Variants in CADM2 observed in about 807,000 individuals in gnomAD.
The protein encoded by CADM2 is cell adhesion molecule 2, also known as immunoglobulin superfamily member 4D.
In CADM2, 12 loss-of-function variants were observed where a neutral mutation model predicts 49.8. The ratio of observed to expected loss-of-function variants is 0.24; its 90% CI spans 0.15 to 0.39. CADM2 has a LOEUF of 0.39. CADM2 is among the 10% of genes least tolerant of loss of function. CADM2 has a pLI of 1.00. For missense variants in CADM2, 378 were observed against 492.3 expected, an observed-to-expected ratio of 0.77 and a Z score of 2.20; for synonymous variants, 214 against 175.4, an observed-to-expected ratio of 1.22 and a Z score of -1.74.
chr3:85,935,699 T>A, intron 6 of CADM2, 68 bp from the exon 7 acceptor site: 1 of 730,902 alleles, frequency 1.4e-6, no homozygotes, highest in East Asian at 2.6e-5. Context: ...CACAGCATGA[T>A]GCACAGTTAT....
At chr3:86,042,912 A>G (rs1251775841) in intron 8 of CADM2, among the ~76,000 whole-genome samples, 3 of 152,134 alleles carry the variant, frequency 2.0e-5, no homozygotes, top group African/African-American at 7.2e-5. Context: ...CTGGGATGCA[A>G]GGCTGGTTCA....
chr3:85,928,315 T>C (rs1366125565), intron 6 of CADM2, among the ~76,000 whole-genome samples: 1 of 152,056 alleles, frequency 6.6e-6, no homozygotes, highest in Non-Finnish European at 1.5e-5. Context: ...CATGCCATCA[T>C]GCCCAGCTAA....
intron 1 of CADM2, among the ~76,000 whole-genome samples, chr3:85,268,755 A>G (rs1295767137): frequency 1.3e-5 from 2 of 151,498 alleles, no homozygotes; most frequent in East Asian, 3.9e-4. Flanking sequence ...TATCTCTACC[A>G]TGTTTCCAGA....
At chr3:85,585,397 CAT>C (rs1292761587) in intron 1 of CADM2, among the ~76,000 whole-genome samples, 1 of 151,440 alleles carries the variant, frequency 6.6e-6, no homozygotes, top group African/African-American at 2.4e-5. Context: ...AAAATATATA[CAT>C]ATATATGTAT....
chr3:86,011,459 G>A (rs1731498797), intron 8 of CADM2, among the ~76,000 whole-genome samples: 1 of 152,018 alleles, frequency 6.6e-6, no homozygotes. Context: ...AACAAAACCT[G>A]TATAAGAATA....
In CADM2 at chr3:85,903,187, A is replaced by C. The variant is rs147287276; in HGVS notation, c.530-9186A>C. ...TGATAAATAATTGTTTTACATCATT[A>C]ATTTTGTTTCCCTGAATAATCTTTG... is the stretch of plus-strand genomic sequence containing the variant. On this transcript the variant is annotated intron_variant, in intron 5 of 9. Coordinates refer to ENST00000383699, the MANE Select transcript of CADM2 (RefSeq NM_001167675.2). Among the ~76,000 whole-genome samples, 52 of 152,180 alleles carry C rather than the reference A, an allele frequency of 3.4e-4. No homozygotes were observed. In the East Asian group the frequency reaches 9.7e-3, roughly 28 times the overall value.
chr3:85,640,412 A>T (rs1303055705), intron 1 of CADM2, among the ~76,000 whole-genome samples: 2 of 152,230 alleles, frequency 1.3e-5, no homozygotes, highest in African/African-American at 4.8e-5. Context: ...ACATGATGGG[A>T]TAACATATTA....
chr3:85,474,260 G>T (rs1198743476), intron 1 of CADM2, among the ~76,000 whole-genome samples: 1 of 151,662 alleles, frequency 6.6e-6, no homozygotes, highest in Non-Finnish European at 1.5e-5. Flanking sequence ...GCTGAACTCT[G>T]CAGAGTAGGC....
chr3:85,048,944 C>T (rs2035771294), intron 1 of CADM2, among the ~76,000 whole-genome samples: 1 of 151,728 alleles, frequency 6.6e-6, no homozygotes, highest in African/African-American at 2.4e-5. Context: ...GAAAAGATGG[C>T]CAAGAATTGG....
intron 1 of CADM2, among the ~76,000 whole-genome samples, chr3:85,161,407 C>T (rs1017323627): frequency 1.3e-5 from 2 of 152,056 alleles, no homozygotes; most frequent in South Asian, 4.1e-4. Flanking sequence ...GGGCTCCTTC[C>T]ATTTTCTTAG....
At chr3:85,496,820 G>T (rs1361516726) in intron 1 of CADM2, among the ~76,000 whole-genome samples, 3 of 151,886 alleles carry the variant, frequency 2.0e-5, no homozygotes, top group African/African-American at 7.3e-5. Flanking sequence ...TTCATATGTT[G>T]TTGACCACTT....
chr3:85,369,399 G>A (rs915866463), intron 1 of CADM2, among the ~76,000 whole-genome samples: 7 of 152,288 alleles, frequency 4.6e-5, no homozygotes, highest in South Asian at 4.1e-4. Context: ...TCAGGAGACC[G>A]AGTTGGGCGG....
intron 1 of CADM2, among the ~76,000 whole-genome samples, chr3:85,211,017 T>C (rs1427931722): frequency 6.6e-6 from 1 of 152,212 alleles, no homozygotes; most frequent in Non-Finnish European, 1.5e-5. Flanking sequence ...TGGTAGGTTG[T>C]ACTTGTGTAG....
rs72905480 is a variant in CADM2 at position 85,396,861 on chromosome 3, A to C, written c.62-329661A>C. ...TGGATTTGCGAATGATTGCTTAGAC[A>C]TGACACCTAAAAGCAAAGGCAACAA... On this transcript the variant is annotated intron_variant, in intron 1 of 9. Transcript: ENST00000383699. Among the ~76,000 whole-genome samples the C allele has an allele frequency of 7.2e-5, 11 of 152,146 alleles. No individual in the cohort carries two copies. In the East Asian group the frequency reaches 2.1e-3, roughly 29 times the overall value.
intron 1 of CADM2, among the ~76,000 whole-genome samples, chr3:85,381,342 G>GA (rs1455757452): frequency 2.0e-5 from 3 of 150,940 alleles, no homozygotes; most frequent in Non-Finnish European, 4.4e-5. Flanking sequence ...TGAATCTGTG[G>GA]AATTTTGACT....
intron 1 of CADM2, among the ~76,000 whole-genome samples, chr3:85,710,274 C>A (rs2107735377): frequency 6.6e-6 from 1 of 152,214 alleles, no homozygotes; most frequent in Non-Finnish European, 1.5e-5. Flanking sequence ...GGAAAGACTT[C>A]TCTTGCTCTA....
At chr3:86,009,119 A>C (rs1731161134) in intron 8 of CADM2, among the ~76,000 whole-genome samples, 1 of 145,686 alleles carries the variant, frequency 6.9e-6, no homozygotes, top group African/African-American at 2.5e-5. Context: ...ATAAATATAT[A>C]TATATGTGTA....
intron 8 of CADM2, chr3:86,014,300 T>C: frequency 7.4e-7 from 1 of 1,350,116 alleles, no homozygotes. Flanking sequence ...TTCTTAAAAA[T>C]GTCCTATCTT....
intron 6 of CADM2, among the ~76,000 whole-genome samples, chr3:85,915,354 A>G (rs1718144876): frequency 6.6e-6 from 1 of 152,146 alleles, no homozygotes; most frequent in South Asian, 2.1e-4. Flanking sequence ...CAGAAACCAG[A>G]TCTATTTAAA....
Sources: allele counts gnomAD v4.1 joint callset (sites outside exome capture counted in the v4.1 genomes callset), GRCh38; gene constraint gnomAD v4.1.1; transcripts MANE v1.5; gene names NCBI Gene and HGNC (gene_info 2026-07-23, HGNC 2026-07-21).